XKR4: variants seen among roughly 807,000 people sequenced by gnomAD.
XKR4 encodes XK-related protein 4.
Under a neutral mutation model 53.9 loss-of-function variants are expected in XKR4, and 12 were observed. That is an observed-to-expected ratio of 0.22 (90% CI 0.14 to 0.36). The LOEUF is 0.36. Among genes scored for constraint, XKR4 ranks in the 10% least tolerant of loss-of-function variants. The pLI is 1.00. For missense variants in XKR4, 799 were observed against 859.5 expected (o/e 0.93, Z 0.88); for synonymous variants, 354 against 362.4 (o/e 0.98, Z 0.26).
chr8:55,348,644 AG>A, intron 1 of XKR4, among the ~76,000 whole-genome samples: 1 of 94,518 alleles, frequency 1.1e-5, no homozygotes, highest in Non-Finnish European at 2.3e-5. Flanking sequence ...GGATGAATAG[AG>A]ATAATGGATA....
At chr8:55,262,416 A>C (rs1818538998) in intron 1 of XKR4, among the ~76,000 whole-genome samples, 1 of 152,216 alleles carries the variant, frequency 6.6e-6, no homozygotes, top group Admixed American at 6.5e-5. Flanking sequence ...CACATGTTGA[A>C]GCCTTACCCC....
chr8:55,377,881 A>G (rs1163580587), intron 2 of XKR4, among the ~76,000 whole-genome samples: 3 of 152,232 alleles, frequency 2.0e-5, no homozygotes, highest in Non-Finnish European at 2.9e-5. Context: ...AACCTTGTTT[A>G]ATTTAGTGAG....
At chr8:55,311,820 G>C (rs1469904897) in intron 1 of XKR4, among the ~76,000 whole-genome samples, 2 of 96,120 alleles carry the variant, frequency 2.1e-5, no homozygotes, top group African/African-American at 8.7e-5. Context: ...AACTGTCTCT[G>C]TAATTTAGCA....
intron 1 of XKR4, among the ~76,000 whole-genome samples, chr8:55,189,345 A>C (rs185617921): frequency 6.6e-6 from 1 of 152,222 alleles, no homozygotes; most frequent in Admixed American, 6.5e-5. Context: ...GGCACAGCTA[A>C]TGTATGAGTA....
chr8:55,421,366 A>G (rs1437651272), intron 2 of XKR4, among the ~76,000 whole-genome samples: 1 of 152,364 alleles, frequency 6.6e-6, no homozygotes, highest in East Asian at 1.9e-4. Context: ...ACCTTGCCAT[A>G]CGGTTTACTT....
chr8:55,354,484 G>C (rs1251997648), intron 1 of XKR4, among the ~76,000 whole-genome samples: 1 of 152,176 alleles, frequency 6.6e-6, no homozygotes, highest in Non-Finnish European at 1.5e-5. Context: ...GAGGAGCAGA[G>C]GCAGCTGATA....
At chr8:55,154,965 G>T (rs1014923135) in intron 1 of XKR4, among the ~76,000 whole-genome samples, 1 of 152,136 alleles carries the variant, frequency 6.6e-6, no homozygotes, top group Non-Finnish European at 1.5e-5. Context: ...ATCAGGGAAC[G>T]TCAGTATAAA....
At chr8:55,122,796 C>T (rs1162941042) in intron 1 of XKR4, among the ~76,000 whole-genome samples, 1 of 149,416 alleles carries the variant, frequency 6.7e-6, no homozygotes, top group Non-Finnish European at 1.5e-5. Flanking sequence ...AGTGCCTGCC[C>T]TTTTTTTTTT....
intron 2 of XKR4, among the ~76,000 whole-genome samples, chr8:55,435,263 T>A (rs1805157333): frequency 6.6e-6 from 1 of 152,130 alleles, no homozygotes; most frequent in Non-Finnish European, 1.5e-5. Flanking sequence ...GTTTGAATCG[T>A]TGCTCCTTAT....
chr8:55,363,878 G>T (rs1803936392), intron 2 of XKR4, among the ~76,000 whole-genome samples: 1 of 152,194 alleles, frequency 6.6e-6, no homozygotes, highest in African/African-American at 2.4e-5. Flanking sequence ...AAGCTTGTTT[G>T]TGCATGATGG....
chr8:55,300,777 G>T (rs193255098), intron 1 of XKR4, among the ~76,000 whole-genome samples: 11 of 152,040 alleles, frequency 7.2e-5, no homozygotes. Flanking sequence ...CAGGATGATC[G>T]CCCCAACAAA....
intron 2 of XKR4, among the ~76,000 whole-genome samples, chr8:55,407,607 G>T (rs1249039484): frequency 6.6e-6 from 1 of 152,148 alleles, no homozygotes; most frequent in Non-Finnish European, 1.5e-5. Flanking sequence ...CGGCTCCACC[G>T]CACTCTTTTC....
At chr8:55,491,099 GGTCTA>G in intron 2 of XKR4, among the ~76,000 whole-genome samples, 1 of 151,948 alleles carries the variant, frequency 6.6e-6, no homozygotes, top group East Asian at 1.9e-4. Context: ...TATCTTATGA[GGTCTA>G]ATATTCTGTT....
intron 2 of XKR4, chr8:55,450,075 T>G: frequency 1.4e-6 from 1 of 736,462 alleles, no homozygotes; most frequent in South Asian, 1.4e-5. Flanking sequence ...CAAGGCGCCA[T>G]GCAGCCTTCA....
rs1256612867 is a variant in XKR4, at chr8:55,541,386, T to G, written c.*17159T>G. On this transcript the variant is annotated 3_prime_UTR_variant, in exon 3 of 3. Transcript: ENST00000327381. The stretch of plus-strand genomic sequence containing the variant: ...TAAACATTTTGTGCTCCTTTCCCTG[T>G]TCAATTTTTTTGTTTTGTTTTAAAT... 6.6e-6 allele frequency: 1 copy of G among 152,128 alleles called. No homozygotes were observed. Among genetic ancestry groups the G allele is most frequent in the Non-Finnish European group, 1.5e-5 (1 of 68,018 alleles). The allele number at this position is 152,128 out of a possible 1,614,324, so 9.4% of individuals were successfully genotyped here. A position where few individuals can be genotyped will look rare whatever the true frequency, so the allele number is the denominator to read the frequency against.
At chr8:55,485,786 G>A (rs913789067) in intron 2 of XKR4, among the ~76,000 whole-genome samples, 3 of 152,156 alleles carry the variant, frequency 2.0e-5, no homozygotes, top group Admixed American at 2.0e-4. Context: ...GCCCACTGGG[G>A]CACAGGAAAG....
chr8:55,281,576 A>G (rs1818845542), intron 1 of XKR4, among the ~76,000 whole-genome samples: 1 of 152,364 alleles, frequency 6.6e-6, no homozygotes, highest in South Asian at 2.1e-4. Context: ...AGTCAATGTC[A>G]AGTTCATCAA....
rs916674973 is a variant in XKR4, at chr8:55,527,014, C to T, written c.*2787C>T. The T allele has an allele frequency of 3.3e-5, 5 of 152,146 alleles. No individual in the cohort carries two copies. The highest frequency in any genetic ancestry group is 5.9e-5 in the Non-Finnish European group (4 of 68,020). 9.4% of individuals were successfully genotyped at this position (152,146 alleles called of 1,614,324 possible). On this transcript the variant is annotated 3_prime_UTR_variant, in exon 3 of 3. Coordinates refer to ENST00000327381, the MANE Select transcript of XKR4 (RefSeq NM_052898.2). Reference sequence around the variant, plus strand: ...AACATATCCATGATGTGATGAATTACAACCTTTCAAAAGATTACAAGAGCA... The same window carrying T: ...AACATATCCATGATGTGATGAATTATAACCTTTCAAAAGATTACAAGAGCA...
chr8:55,510,722 T>G (rs1806613331), intron 2 of XKR4, among the ~76,000 whole-genome samples: 1 of 152,240 alleles, frequency 6.6e-6, no homozygotes, highest in Admixed American at 6.5e-5. Context: ...CTTCATCATA[T>G]TATTAGATGC....
Sources: allele counts gnomAD v4.1 joint callset (sites outside exome capture counted in the v4.1 genomes callset), GRCh38; gene constraint gnomAD v4.1.1; transcripts MANE v1.5; gene names NCBI Gene and HGNC (gene_info 2026-07-23, HGNC 2026-07-21).